The following RFTN2 variants were observed in gnomAD, a reference collection of about 807,000 sequenced individuals.
RFTN2 encodes the protein raftlin-2.
A neutral mutation model predicts 52.7 loss-of-function variants in RFTN2; 34 were observed. The ratio of observed to expected loss-of-function variants is 0.64; its 90% confidence interval spans 0.49 to 0.86. The LOEUF (loss-of-function observed/expected upper bound fraction) is 0.86. Among genes scored for constraint, RFTN2 ranks in the 40% least tolerant of loss-of-function variants. The pLI, the probability that RFTN2 is intolerant of heterozygous loss-of-function variation, is 0.00. For missense variants in RFTN2, 536 were observed against 600.1 expected, an observed-to-expected ratio of 0.89 and a Z score of 1.12; for synonymous variants, 203 against 217.7, an observed-to-expected ratio of 0.93 and a Z score of 0.59.
rs2088754015 is a variant in RFTN2, at chr2:197,646,622, T to C, written c.184A>G (p.Ile62Val). 1 of 1,613,224 alleles carries C rather than the reference T, an allele frequency of 6.2e-7. No homozygotes were observed. The highest frequency in any genetic ancestry group is 1.3e-5 in the African/African-American group (1 of 74,932). Residue 62 changes from isoleucine to valine, a missense_variant, in exon 2 of 9, where the codon ATA becomes GTA. Ile to Val is a conservative substitution (Grantham distance 29). Transcript: ENST00000295049. ...TAATAGTTTTCCACTTTTGTTACTA[T>C]ATCCAGAATTGAATTTATCTTGATG... ...EVIKINSILD[I>V]VTKVENYYLK...
At chr2:197,591,638 G>A (rs1382413794) in intron 8 of RFTN2, among the ~76,000 whole-genome samples, 1 of 152,204 alleles carries the variant, frequency 6.6e-6, no homozygotes, top group African/African-American at 2.4e-5. Flanking sequence ...CGGTGGTGCA[G>A]GAGCCCACGG....
intron 7 of RFTN2, among the ~76,000 whole-genome samples, chr2:197,604,721 T>C (rs984222734): frequency 1.3e-5 from 2 of 152,210 alleles, no homozygotes; most frequent in African/African-American, 4.8e-5. Context: ...ATTATGCACA[T>C]TTGTGTTTTA....
chr2:197,605,204 A>C (rs2087939472), intron 7 of RFTN2, among the ~76,000 whole-genome samples: 1 of 152,052 alleles, frequency 6.6e-6, no homozygotes. Flanking sequence ...CTTTTGGAAA[A>C]ATCAGTCTTG....
chr2:197,660,039 G>A (rs1362169645), intron 1 of RFTN2, among the ~76,000 whole-genome samples: 6 of 152,134 alleles, frequency 3.9e-5, no homozygotes, highest in Admixed American at 3.9e-4. Flanking sequence ...TTCAGATGAG[G>A]AAACTCAGGA....
rs958364448 is a variant in RFTN2 at position 197,579,993 on chromosome 2, C to T, written c.1234-7713G>A. On this transcript the variant is annotated intron_variant, in intron 8 of 8. Transcript: ENST00000295049. ...AGGTTAATGCTCCTTTTTCTTTATC[C>T]GACCTCTCCCAAATCAATTAGCGTT... Among the ~76,000 whole-genome samples, 19 of 152,030 alleles carry T rather than the reference C, an allele frequency of 1.2e-4. No homozygotes were observed. The East Asian group carries it at 1.5e-3, about 12-fold the overall frequency.
rs923319186 is a variant in RFTN2 at position 197,634,991 on chromosome 2, G to A, written c.439-994C>T. Among the ~76,000 whole-genome samples the A allele has an allele frequency of 2.6e-3, 386 of 150,046 alleles. 4 individuals carry two copies. Among genetic ancestry groups the A allele is most frequent in the African/African-American group, 9.1e-3 (371 of 40,788 alleles). ...TATGAGTGAGAATATGCGGTGTTTC[G>A]TTTTTTGTTCTTGCGATAGTTTACT... On this transcript the variant is annotated intron_variant, in intron 3 of 8. Coordinates refer to ENST00000295049, the MANE Select transcript of RFTN2 (RefSeq NM_144629.3).
chr2:197,601,179 A>G (rs955286296), intron 7 of RFTN2, among the ~76,000 whole-genome samples: 8 of 152,174 alleles, frequency 5.3e-5, no homozygotes, highest in African/African-American at 1.7e-4. Flanking sequence ...AGCATAGGAG[A>G]TGCTCAGAAA....
At chr2:197,619,613 C>T (rs1313454355) in intron 5 of RFTN2, among the ~76,000 whole-genome samples, 8 of 148,600 alleles carry the variant, frequency 5.4e-5, no homozygotes, top group South Asian at 2.1e-4. Context: ...TGCGGAAGGC[C>T]GCAGGGTCCT....
intron 5 of RFTN2, among the ~76,000 whole-genome samples, chr2:197,627,673 A>T (rs975392474): frequency 2.6e-5 from 4 of 152,152 alleles, no homozygotes; most frequent in African/African-American, 9.7e-5. Context: ...GTGGGGAAAG[A>T]CTATGCTCTG....
At chr2:197,637,145 T>A (rs1274905220) in intron 3 of RFTN2, among the ~76,000 whole-genome samples, 2 of 150,238 alleles carry the variant, frequency 1.3e-5, no homozygotes, top group Admixed American at 6.6e-5. Flanking sequence ...GTTTTGCCAG[T>A]ATTTTATTGA....
At chr2:197,583,973 C>CT (rs61685344) in intron 8 of RFTN2, among the ~76,000 whole-genome samples, 107,465 of 151,984 alleles carry the variant, frequency 0.71, 38,700 homozygotes, top group Middle Eastern at 0.86. Context: ...TTTTTTATGG[C>CT]GCATAGTATT....
intron 8 of RFTN2, among the ~76,000 whole-genome samples, chr2:197,593,863 C>G (rs1201268680): frequency 1.6e-5 from 2 of 128,320 alleles, no homozygotes; most frequent in Non-Finnish European, 3.2e-5. Flanking sequence ...TCCAGCCTGG[C>G]AACAGAGTGA....
Position 197,571,778 on chromosome 2 carries a change from A to G in RFTN2, c.*230T>C. 2 of 552,884 alleles carry G rather than the reference A, an allele frequency of 3.6e-6. No individual in the cohort carries two copies. Among genetic ancestry groups the G allele is most frequent in the South Asian group, 4.6e-5 (2 of 43,566 alleles). 34.2% of individuals were successfully genotyped at this position (552,884 alleles called of 1,614,324 possible). A position where few individuals can be genotyped will look rare whatever the true frequency, so the allele number is the denominator to read the frequency against. On this transcript the variant is annotated 3_prime_UTR_variant, in exon 9 of 9. Transcript: ENST00000295049. ...AATAACCGAATGGAACATCTGTTTA[A>G]CCAGATGTTTTAGTTGAGAGAAGTG... is the stretch of plus-strand genomic sequence containing the variant.
At chr2:197,630,212 A>C (rs199890166) in intron 5 of RFTN2, among the ~76,000 whole-genome samples, 1 of 14,394 alleles carries the variant, frequency 6.9e-5, no homozygotes, top group African/African-American at 8.3e-4. Context: ...TTAAGGTAAT[A>C]AATACTAGGC....
intron 1 of RFTN2, among the ~76,000 whole-genome samples, chr2:197,655,643 G>A (rs1306493897): frequency 6.6e-6 from 1 of 152,128 alleles, no homozygotes; most frequent in Non-Finnish European, 1.5e-5. Context: ...GGCCAACATG[G>A]TGAAACCCTG....
intron 1 of RFTN2, among the ~76,000 whole-genome samples, chr2:197,658,253 C>T (rs1429774381): frequency 6.0e-5 from 9 of 150,080 alleles, no homozygotes; most frequent in Non-Finnish European, 8.9e-5. Context: ...AATGCCTGGT[C>T]TTCATAAACC....
chr2:197,595,228 G>C (rs1286425212), intron 8 of RFTN2, among the ~76,000 whole-genome samples: 3 of 152,232 alleles, frequency 2.0e-5, no homozygotes, highest in Non-Finnish European at 4.4e-5. Flanking sequence ...AGCCAAGGTT[G>C]CATGGATGCA....
At chr2:197,577,677 T>C (rs2087441121) in intron 8 of RFTN2, among the ~76,000 whole-genome samples, 2 of 152,112 alleles carry the variant, frequency 1.3e-5, no homozygotes, top group South Asian at 4.1e-4. Flanking sequence ...AATGAATGCA[T>C]TTACTCTTTT....
chr2:197,578,659 A>G (rs1185803214), intron 8 of RFTN2, among the ~76,000 whole-genome samples: 1 of 152,038 alleles, frequency 6.6e-6, no homozygotes, highest in African/African-American at 2.4e-5. Context: ...TGCACCACCC[A>G]TATCTCCCTT....
Sources: gnomAD v4.1 joint callset for allele counts (sites outside exome capture counted in the v4.1 genomes callset) on GRCh38, gnomAD v4.1.1 for gene constraint, MANE v1.5 for transcripts, NCBI Gene and HGNC (gene_info 2026-07-23, HGNC 2026-07-21) for gene names.